Variants in NLE1 observed in about 807,000 individuals in gnomAD.
NLE1 encodes the protein notchless homolog 1.
In NLE1, 37 loss-of-function variants were observed where a neutral mutation model predicts 62.8. That is an observed-to-expected ratio of 0.59 (90% CI 0.45 to 0.78). The LOEUF (loss-of-function observed/expected upper bound fraction) is 0.78. Ranked by LOEUF, NLE1 falls within the 30% of genes least tolerant of loss-of-function variation. The probability of loss-of-function intolerance (pLI) is 0.00; values close to 1 mark genes in which losing one functional copy is unlikely to be tolerated. For missense variants in NLE1, 555 were observed against 637.9 expected (o/e 0.87, Z 1.40); for synonymous variants, 243 against 253.0 (o/e 0.96, Z 0.37).
At chr17:35,132,480 G>T in intron 12 of NLE1, 31 bp from the exon 13 acceptor site, 2 of 1,366,458 alleles carry the variant, frequency 1.5e-6, no homozygotes, top group Non-Finnish European at 1.9e-6. Context: ...TCAGGATGGG[G>T]ATTCCACCTT....
Position 35,139,947 on chromosome 17 carries a change from T to C in NLE1, c.282A>G (p.Pro94=), listed in dbSNP as rs2091932590. 6.2e-7 allele frequency: 1 copy of C among 1,614,166 alleles called. No individual in the cohort carries two copies. Among genetic ancestry groups the C allele is most frequent in the Non-Finnish European group, 8.5e-7 (1 of 1,180,036 alleles). Residue 94 remains proline, a synonymous_variant, in exon 3 of 13, where the codon CCA becomes CCG. Transcript: ENST00000442241. ...TEKVLDIIYQ[P]QAIFRVRAVT... ...CAGCCCGGACTCTGAAGATAGCCTG[T>C]GGCTGGTAGATGATGTCTAGGACCT... is the stretch of plus-strand genomic sequence containing the variant.
intron 12 of NLE1, among the ~76,000 whole-genome samples, 173 bp downstream of exon 12, chr17:35,132,998 C>G (rs963293281): frequency 1.3e-5 from 2 of 151,954 alleles, no homozygotes; most frequent in African/African-American, 4.8e-5. Context: ...GTGGCCCTCC[C>G]ACTTGTGGCC....
chr17:35,140,850 A>G (rs2091939365), intron 2 of NLE1, among the ~76,000 whole-genome samples: 1 of 152,190 alleles, frequency 6.6e-6, no homozygotes, highest in Non-Finnish European at 1.5e-5. Context: ...TCAGCCTCCC[A>G]AAGTACTGGG....
chr17:35,139,766 T>G, intron 3 of NLE1, 83 bp downstream of exon 3: 1 of 1,555,168 alleles, frequency 6.4e-7, no homozygotes, highest in Non-Finnish European at 8.7e-7. Context: ...GCCCCATCAA[T>G]TATAACTCTG....
Position 35,130,441 on chromosome 17 carries a change from G to A in NLE1, c.*1996C>T, listed in dbSNP as rs777193469. On this transcript the variant is annotated 3_prime_UTR_variant, in exon 13 of 13. Coordinates refer to ENST00000442241, the MANE Select transcript of NLE1 (RefSeq NM_018096.5). ...ATACCTATTTCCCTGTTAAGGGGGAGGGCCCCAGGACACCCCTCACCTACT... is the reference window on the plus strand; with the variant it reads ...ATACCTATTTCCCTGTTAAGGGGGAAGGCCCCAGGACACCCCTCACCTACT... The A allele has an allele frequency of 1.9e-6, 3 of 1,612,256 alleles. No homozygotes were observed. Among genetic ancestry groups the A allele is most frequent in the African/African-American group, 2.7e-5 (2 of 74,892 alleles).
At chr17:35,134,156 G>A (rs1425191104) in intron 10 of NLE1, among the ~76,000 whole-genome samples, 1 of 152,162 alleles carries the variant, frequency 6.6e-6, no homozygotes, top group East Asian at 1.9e-4. Flanking sequence ...GGGTAGCAGA[G>A]TCACCTGGTA....
In NLE1 at chr17:35,129,508, G is replaced by A. The variant is rs375536596; in HGVS notation, c.*2929C>T. On this transcript the variant is annotated 3_prime_UTR_variant, in exon 13 of 13. Transcript: ENST00000442241. ...AGGTGGCCAAGACACAGGAGAATGA[G>A]TTGCCCGAGGCAAAGAATCGTCCAT... 15 of 1,614,098 alleles carry A rather than the reference G, an allele frequency of 9.3e-6. No homozygotes were observed. Among genetic ancestry groups the A allele is most frequent in the Non-Finnish European group, 1.3e-5 (15 of 1,180,046 alleles).
At chr17:35,134,969 T>G in intron 10 of NLE1, 1 of 515,064 alleles carries the variant, frequency 1.9e-6, no homozygotes, top group Non-Finnish European at 3.7e-6. Flanking sequence ...GGAGAATCAC[T>G]TGAACCCAGG....
In NLE1 at chr17:35,142,249, C is replaced by A. The variant is rs901275300; in HGVS notation, c.18+9G>T. On this transcript the variant is annotated intron_variant, in intron 1 of 12. Coordinates refer to ENST00000442241, the MANE Select transcript of NLE1 (RefSeq NM_018096.5). ...GCGACGCCCCCCGCCCCCATCCACG[C>A]ACACCCACCGGCACTGCTGCCGCCA... The A allele has an allele frequency of 1.3e-6, 2 of 1,549,840 alleles. No individual in the cohort carries two copies. The highest frequency in any genetic ancestry group is 2.4e-5 in the East Asian group (1 of 41,320).
Position 35,136,216 on chromosome 17 carries a change from C to T in NLE1, c.965-1G>A. 6.2e-7 allele frequency: 1 copy of T among 1,614,128 alleles called. No individual in the cohort carries two copies. Among genetic ancestry groups the T allele is most frequent in the Non-Finnish European group, 8.5e-7 (1 of 1,179,988 alleles). ...AGAGCCCTCTCCTTCAACTCCTGCACTGTGACCAGGTACCGGAGGGGAGAA... is the reference window on the plus strand; with the variant it reads ...AGAGCCCTCTCCTTCAACTCCTGCATTGTGACCAGGTACCGGAGGGGAGAA... On this transcript the variant is annotated splice_acceptor_variant, in intron 8 of 12. Coordinates refer to ENST00000442241, the MANE Select transcript of NLE1 (RefSeq NM_018096.5). LOFTEE classifies it high-confidence loss of function.
chr17:35,141,371 C>T (rs945084553), intron 2 of NLE1, among the ~76,000 whole-genome samples: 1 of 152,016 alleles, frequency 6.6e-6, no homozygotes. Context: ...CGTGGTGAAA[C>T]CCAGTCCCCA....
intron 10 of NLE1, 121 bp from the exon 11 acceptor site, chr17:35,133,619 G>GA: frequency 1.1e-6 from 1 of 901,512 alleles, no homozygotes. Context: ...AAATACCTGG[G>GA]AACCTTTACA....
Position 35,130,546 on chromosome 17 carries a change from G to A in NLE1, c.*1891C>T. Reference sequence around the variant, plus strand: ...CCAGCACCCTGCGGGCCCGGGGTCTGGCAGAGTGGTATGGGCACCCCACCC... The same window carrying A: ...CCAGCACCCTGCGGGCCCGGGGTCTAGCAGAGTGGTATGGGCACCCCACCC... On this transcript the variant is annotated 3_prime_UTR_variant, in exon 13 of 13. Coordinates refer to ENST00000442241, the MANE Select transcript of NLE1 (RefSeq NM_018096.5). 1 of 1,200,622 alleles carries A rather than the reference G, an allele frequency of 8.3e-7. No homozygotes were observed. 74.4% of individuals were successfully genotyped at this position (1,200,622 alleles called of 1,614,324 possible).
chr17:35,137,652 A>G lies in NLE1; in HGVS notation c.538-12T>C. The G allele has an allele frequency of 1.2e-6, 2 of 1,603,634 alleles. No homozygotes were observed. The highest frequency in any genetic ancestry group is 2.2e-5 in the South Asian group (2 of 90,748). Reference sequence around the variant, plus strand: ...TCCCAGAGGAGAATCTGAAGGACAGAAGCTCACTGAATAATCCTCCCCAAC... The same window carrying G: ...TCCCAGAGGAGAATCTGAAGGACAGGAGCTCACTGAATAATCCTCCCCAAC... On this transcript the variant is annotated splice_polypyrimidine_tract_variant and intron_variant, in intron 5 of 12. Coordinates refer to ENST00000442241, the MANE Select transcript of NLE1 (RefSeq NM_018096.5).
At position 35,133,235 on chromosome 17, in the gene NLE1, C is replaced by G; in HGVS notation, c.1381G>C (p.Ala461Pro). Residue 461 changes from alanine (A) to proline (P), a missense_variant, in exon 12 of 13, where the codon GCT becomes CCT. Transcript: ENST00000442241. ...DLPGHADEVYAVDWSPDGQRV... is the reference protein window; with the variant it reads ...DLPGHADEVYPVDWSPDGQRV... The stretch of plus-strand genomic sequence containing the variant: ...TGGCCATCTGGACTCCAGTCAACAG[C>G]ATATACCTAAAGGGAGGCAGAGGAA... 1 of 1,614,182 alleles carries G rather than the reference C, an allele frequency of 6.2e-7. No individual in the cohort carries two copies. The highest frequency in any genetic ancestry group is 1.1e-5 in the South Asian group (1 of 91,082).
In NLE1 at chr17:35,130,515, A is replaced by G; in HGVS notation, c.*1922T>C. ...AGAAACCAGAGCCATGAGACCTACC[A>G]TACCACCAGCACCCTGCGGGCCCGG... On this transcript the variant is annotated 3_prime_UTR_variant, in exon 13 of 13. Coordinates refer to ENST00000442241, the MANE Select transcript of NLE1 (RefSeq NM_018096.5). The G allele has an allele frequency of 6.9e-7, 1 of 1,445,218 alleles. No individual in the cohort carries two copies. The highest frequency in any genetic ancestry group is 1.2e-5 in the South Asian group (1 of 80,196). The allele number at this position is 1,445,218 out of a possible 1,614,324, so 89.5% of individuals were successfully genotyped here.
At position 35,130,561 on chromosome 17, in the gene NLE1, G is replaced by A. The variant is rs2091870995; in HGVS notation, c.*1876C>T. 9.9e-7 allele frequency: 1 copy of A among 1,008,846 alleles called. No homozygotes were observed. The highest frequency in any genetic ancestry group is 1.4e-6 in the Non-Finnish European group (1 of 703,840). 62.5% of individuals were successfully genotyped at this position (1,008,846 alleles called of 1,614,324 possible). Reference sequence around the variant, plus strand: ...CCCGGGGTCTGGCAGAGTGGTATGGGCACCCCACCCCTGGGCTGGGGCCAA... The same window carrying A: ...CCCGGGGTCTGGCAGAGTGGTATGGACACCCCACCCCTGGGCTGGGGCCAA... On this transcript the variant is annotated 3_prime_UTR_variant, in exon 13 of 13. Coordinates refer to ENST00000442241, the MANE Select transcript of NLE1 (RefSeq NM_018096.5).
In NLE1 at chr17:35,129,011, C is replaced by T. The variant is rs1243888317; in HGVS notation, c.*3426G>A. On this transcript the variant is annotated 3_prime_UTR_variant, in exon 13 of 13. Transcript: ENST00000442241. ...ATGGGAATCTAATGCCTCTGCTGAT[C>T]TGACAGGAGGCAGAGCTCAGGTGGT... 5.4e-6 allele frequency: 1 copy of T among 184,706 alleles called. No individual in the cohort carries two copies. Among genetic ancestry groups the T allele is most frequent in the African/African-American group, 2.3e-5 (1 of 42,908 alleles). The allele number at this position is 184,706 out of a possible 1,614,324, so 11.4% of individuals were successfully genotyped here. A position where few individuals can be genotyped will look rare whatever the true frequency, so the allele number is the denominator to read the frequency against.
chr17:35,141,006 G>C lies in NLE1; in HGVS notation c.163-940C>G, dbSNP rs139884761. 2.2e-4 allele frequency among the ~76,000 whole-genome samples: 33 copies of C among 152,316 alleles called. 1 individual carries two copies. The highest frequency in any genetic ancestry group is 7.9e-4 in the African/African-American group (33 of 41,570). ...TAAGTAATTAGTTCAATGTCCTATT[G>C]CCAATGATTAATTCAGGTTCTTTAC... On this transcript the variant is annotated intron_variant, in intron 2 of 12. Transcript: ENST00000442241.
Sources: gnomAD v4.1 joint callset for allele counts (sites outside exome capture counted in the v4.1 genomes callset) on GRCh38, gnomAD v4.1.1 for gene constraint, MANE v1.5 for transcripts, NCBI Gene and HGNC (gene_info 2026-07-23, HGNC 2026-07-21) for gene names.